Variants in SFSWAP observed in about 807,000 individuals in gnomAD.
SFSWAP encodes the protein splicing factor SWAP.
In SFSWAP, 17 loss-of-function variants were observed where a neutral mutation model predicts 100.7. The observed-to-expected ratio is 0.17, with a 90% CI of 0.12 to 0.25. The LOEUF is 0.25. Among genes scored for constraint, SFSWAP ranks in the 10% least tolerant of loss-of-function variants. The pLI, the probability that SFSWAP is intolerant of heterozygous loss-of-function variation, is 1.00. For synonymous variants in SFSWAP, 504 were observed against 510.1 expected, an observed-to-expected ratio of 0.99 and a Z score of 0.16; for missense variants, 1,005 against 1,262.6, an observed-to-expected ratio of 0.80 and a Z score of 3.09.
intron 7 of SFSWAP, among the ~76,000 whole-genome samples, chr12:131,737,744 T>C (rs1478482916): frequency 6.6e-6 from 1 of 152,200 alleles, no homozygotes; most frequent in Non-Finnish European, 1.5e-5. Context: ...ATGGAGATTT[T>C]CCTACATTTT....
chr12:131,739,594 G>GTCTCC (rs1880406135), intron 7 of SFSWAP, among the ~76,000 whole-genome samples: 1 of 126,008 alleles, frequency 7.9e-6, no homozygotes, highest in Non-Finnish European at 1.6e-5. Flanking sequence ...CTCCCAGGCT[G>GTCTCC]GAGTGCAGTG....
rs544035728 is a variant in SFSWAP at position 131,794,874 on chromosome 12, T to G, written c.2535-2304T>G. ...CCTTCAGCAAGGGCTTAGATCAGAT[T>G]GTAGCAGAATTGAACCAGTTTGCAG... is the stretch of plus-strand genomic sequence containing the variant. On this transcript the variant is annotated intron_variant, in intron 15 of 17. Coordinates refer to ENST00000261674, the MANE Select transcript of SFSWAP (RefSeq NM_004592.4). The surrounding 1 kb of genome is among the most constrained non-coding windows in gnomAD (Gnocchi z 4.8). 4.3e-4 allele frequency among the ~76,000 whole-genome samples: 66 copies of G among 152,226 alleles called. No homozygotes were observed. The highest frequency in any genetic ancestry group is 7.9e-4 in the Admixed American group (12 of 15,284).
At chr12:131,766,354 T>C (rs748463725) in intron 13 of SFSWAP, 46 bp downstream of exon 13, 6 of 1,558,374 alleles carry the variant, frequency 3.9e-6, no homozygotes, top group Non-Finnish European at 4.4e-6. Flanking sequence ...GTGTGATACA[T>C]AGAGGCAGGG....
chr12:131,783,814 A>ATATATATATATATATATATATG (rs1884690211), intron 14 of SFSWAP: 1 of 135,088 alleles, frequency 7.4e-6, no homozygotes, highest in Non-Finnish European at 1.6e-5. Flanking sequence ...ATATATATAT[A>ATATATATATATATATATATATG]TATATATAAT....
In SFSWAP at chr12:131,799,104, A is replaced by T. The variant is rs1885883905; in HGVS notation, c.2785A>T (p.Thr929Ser). 1 of 1,613,524 alleles carries T rather than the reference A, an allele frequency of 6.2e-7. No individual in the cohort carries two copies. Among genetic ancestry groups the T allele is most frequent in the African/African-American group, 1.3e-5 (1 of 74,872 alleles). ...CGTTTCTTCCGTGCAGAGCAAAATC[A>T]CTCAGGTCAGTGGGCACGCCCCCCT... is the stretch of plus-strand genomic sequence containing the variant. ...AIVSSVQSKITQDLMAKVRAM... is the reference protein window; with the variant it reads ...AIVSSVQSKISQDLMAKVRAM... The change falls in exon 17 of 18, where the codon ACT (threonine) becomes TCT (serine). Residue 929 changes from threonine to serine, a missense_variant. Physicochemically the swap from Thr to Ser is moderately conservative, Grantham distance 58 (BLOSUM62 1). Around this residue, in one of 7 missense-constraint regions of SFSWAP, gnomAD observed 295 missense variants for 347.9 expected, o/e 0.85. Coordinates refer to ENST00000261674, the MANE Select transcript of SFSWAP (RefSeq NM_004592.4).
At chr12:131,717,763 C>T (rs1878064652) in intron 3 of SFSWAP, among the ~76,000 whole-genome samples, 2 of 152,160 alleles carry the variant, frequency 1.3e-5, no homozygotes, top group African/African-American at 4.8e-5. Flanking sequence ...CAGAGTCTCG[C>T]TCTGTCACCC....
Position 131,711,609 on chromosome 12 carries a change from G to A in SFSWAP, c.218+162G>A, listed in dbSNP as rs1877352398. 2 of 628,734 alleles carry A rather than the reference G, an allele frequency of 3.2e-6. No individual in the cohort carries two copies. Among genetic ancestry groups the A allele is most frequent in the African/African-American group, 3.7e-5 (2 of 54,410 alleles). The allele number at this position is 628,734 out of a possible 1,614,324, so 38.9% of individuals were successfully genotyped here. ...CCACCTCCTCCTGGTGTTCTGGTGG[G>A]GAGGGGGACGGTGAAACCTGCCCTA... On this transcript the variant is annotated intron_variant, in intron 1 of 17. Transcript: ENST00000261674. The surrounding 1 kb of genome is among the most constrained non-coding windows in gnomAD (Gnocchi z 4.9).
intron 13 of SFSWAP, among the ~76,000 whole-genome samples, chr12:131,770,095 A>G (rs1451960349): frequency 6.6e-6 from 1 of 152,272 alleles, no homozygotes; most frequent in East Asian, 1.9e-4. Context: ...TTAAATTGGC[A>G]ATTGCCATAA....
intron 11 of SFSWAP, among the ~76,000 whole-genome samples, chr12:131,759,521 C>T (rs1000018015): frequency 1.2e-4 from 19 of 152,030 alleles, no homozygotes; most frequent in Non-Finnish European, 2.1e-4. Context: ...AATAGTAGGC[C>T]GGGCGCGGTG....
intron 7 of SFSWAP, among the ~76,000 whole-genome samples, chr12:131,738,472 C>T (rs1361971633): frequency 1.3e-5 from 2 of 152,150 alleles, no homozygotes. Context: ...GGATGTGTCT[C>T]TAGAAATACT....
intron 1 of SFSWAP, 139 bp from the exon 2 acceptor site, chr12:131,713,932 T>G (rs1877638674): frequency 2.0e-6 from 1 of 504,420 alleles, no homozygotes; most frequent in African/African-American, 2.0e-5. Context: ...GGAAGAGTTT[T>G]TATACTTGTT....
intron 12 of SFSWAP, 85 bp from the exon 13 acceptor site, chr12:131,766,033 G>T: frequency 1.5e-6 from 2 of 1,362,826 alleles, no homozygotes; most frequent in South Asian, 2.8e-5. Flanking sequence ...TGCATTGTAT[G>T]ACACTTTTGC....
At chr12:131,788,446 T>TG (rs1328791351) in intron 15 of SFSWAP, among the ~76,000 whole-genome samples, 1 of 152,170 alleles carries the variant, frequency 6.6e-6, no homozygotes, top group Non-Finnish European at 1.5e-5. Flanking sequence ...GTGTAATTAC[T>TG]GGTTAATTTT....
intron 15 of SFSWAP, chr12:131,796,739 C>T (rs1296807569): frequency 1.3e-5 from 2 of 158,802 alleles, no homozygotes; most frequent in African/African-American, 4.8e-5. Context: ...TGTAATGGCA[C>T]CACTGCACTC....
chr12:131,753,184 G>A lies in SFSWAP; in HGVS notation c.1143G>A (p.Ala381=), dbSNP rs770872540. 1.2e-4 allele frequency: 199 copies of A among 1,614,018 alleles called. No individual in the cohort carries two copies. Among genetic ancestry groups the A allele is most frequent in the Non-Finnish European group, 1.6e-4 (186 of 1,180,018 alleles). ...TACCGGACGGCACTTACTGCCTGGC[G>A]CCGCCCCCTCCCGGAATCGACGTGA... The part of the protein sequence containing the change: ...YMLPDGTYCL[A]PPPPGIDVTT... Residue 381 remains alanine, a synonymous_variant, in exon 8 of 18, where the codon GCG becomes GCA. Transcript: ENST00000261674.
At chr12:131,773,228 T>C (rs1883756238) in intron 13 of SFSWAP, among the ~76,000 whole-genome samples, 1 of 152,224 alleles carries the variant, frequency 6.6e-6, no homozygotes, top group South Asian at 2.1e-4. Flanking sequence ...TCCTAGTGTG[T>C]GTTCGTAATC....
In SFSWAP at chr12:131,725,434, C is replaced by T. The variant is rs745481563; in HGVS notation, c.636C>T (p.Ile212=). The change falls in exon 5 of 18, where the codon ATC becomes ATT. Residue 212 remains isoleucine (I), a synonymous_variant. Transcript: ENST00000261674. The surrounding 1 kb of genome is among the most constrained non-coding windows in gnomAD (Gnocchi z 4.3). ...CAACCGCTAAAATGCACGCCATCATCGAGCGCACGGCCAGCTTCGTGTGCA... is the reference window on the plus strand; with the variant it reads ...CAACCGCTAAAATGCACGCCATCATTGAGCGCACGGCCAGCTTCGTGTGCA... ...LPPTAKMHAI[I]ERTASFVCRQ... is the part of the protein sequence containing the mutation. The T allele has an allele frequency of 1.5e-5, 25 of 1,614,032 alleles. No homozygotes were observed. Among genetic ancestry groups the T allele is most frequent in the Non-Finnish European group, 1.9e-5 (22 of 1,180,032 alleles).
intron 7 of SFSWAP, 104 bp downstream of exon 7, chr12:131,728,532 T>C (rs1188850467): frequency 7.6e-7 from 1 of 1,320,812 alleles, no homozygotes; most frequent in African/African-American, 1.5e-5. Context: ...GTGTAACAAG[T>C]ATGGAAGCAG....
chr12:131,711,866 G>C lies in SFSWAP; in HGVS notation c.218+419G>C. 5.0e-6 allele frequency: 1 copy of C among 199,188 alleles called. No individual in the cohort carries two copies. Among genetic ancestry groups the C allele is most frequent in the South Asian group, 7.5e-5 (1 of 13,248 alleles). The allele number at this position is 199,188 out of a possible 1,614,324, so 12.3% of individuals were successfully genotyped here. On this transcript the variant is annotated intron_variant, in intron 1 of 17. Transcript: ENST00000261674. The surrounding 1 kb of genome is among the most constrained non-coding windows in gnomAD (Gnocchi z 4.9). ...CGCGCTCTCACTGCTCGGTGTACTG[G>C]GAGGGTACCCTGGGAGGCGTGCCTT...
Sources: gnomAD v4.1 joint callset for allele counts (sites outside exome capture counted in the v4.1 genomes callset) on GRCh38, gnomAD v4.1.1 for gene constraint, gnomAD v4.1.1 regional missense constraint, Gnocchi (gnomAD v3.1) non-coding constraint, MANE v1.5 for transcripts, NCBI Gene and HGNC (gene_info 2026-07-23, HGNC 2026-07-21) for gene names.